The following CALN1 variants were observed in gnomAD, a reference collection of about 807,000 sequenced individuals.
CALN1 encodes calneuron 1.
A neutral mutation model predicts 30.6 loss-of-function variants in CALN1; 17 were observed. That is an observed-to-expected ratio of 0.56 (90% CI 0.38 to 0.83). CALN1 has a LOEUF of 0.83. Among genes scored for constraint, CALN1 ranks in the 40% least tolerant of loss-of-function variants. The probability of loss-of-function intolerance (pLI) is 0.00; values close to 1 mark genes in which losing one functional copy is unlikely to be tolerated. For missense variants in CALN1, 291 were observed against 354.9 expected (o/e 0.82, Z 1.45); for synonymous variants, 156 against 131.4 (o/e 1.19, Z -1.28).
intron 4 of CALN1, among the ~76,000 whole-genome samples, chr7:72,062,933 A>C (rs1332585974): frequency 6.6e-6 from 1 of 152,214 alleles, no homozygotes; most frequent in Non-Finnish European, 1.5e-5. Context: ...TGCCAATTTT[A>C]CACAATCTCT....
At chr7:72,362,784 A>ATCC (rs1306008105) in intron 2 of CALN1, among the ~76,000 whole-genome samples, 2 of 151,888 alleles carry the variant, frequency 1.3e-5, no homozygotes, top group African/African-American at 4.8e-5. Context: ...AATCGTACTC[A>ATCC]TCCTCTTGAT....
intron 3 of CALN1, among the ~76,000 whole-genome samples, chr7:72,266,520 T>C (rs1217893166): frequency 6.6e-6 from 1 of 152,218 alleles, no homozygotes; most frequent in African/African-American, 2.4e-5. Flanking sequence ...GCCAATGTGT[T>C]CCTTTAAGGG....
intron 5 of CALN1, among the ~76,000 whole-genome samples, chr7:71,830,107 G>A (rs757333084): frequency 1.3e-5 from 2 of 150,610 alleles, no homozygotes; most frequent in Non-Finnish European, 2.9e-5. Context: ...GCAATGGCAT[G>A]ATCTTGGCTC....
At chr7:72,169,511 C>T (rs1788786949) in intron 3 of CALN1, among the ~76,000 whole-genome samples, 2 of 145,616 alleles carry the variant, frequency 1.4e-5, no homozygotes, top group African/African-American at 2.6e-5. Context: ...TTTTCAGATA[C>T]AGAATCTTTC....
At chr7:72,309,339 G>A (rs986478747) in intron 2 of CALN1, among the ~76,000 whole-genome samples, 19 of 152,114 alleles carry the variant, frequency 1.2e-4, no homozygotes, top group African/African-American at 4.6e-4. Flanking sequence ...ATACACATCA[G>A]TCTGTGTGCA....
intron 5 of CALN1, among the ~76,000 whole-genome samples, chr7:71,950,216 TCA>T (rs1480171866): frequency 1.3e-5 from 2 of 152,162 alleles, no homozygotes; most frequent in Non-Finnish European, 2.9e-5. Flanking sequence ...GGAGAATTGC[TCA>T]CAGTTGTTTT....
chr7:72,312,402 A>G (rs1216222813), intron 2 of CALN1, among the ~76,000 whole-genome samples: 1 of 151,432 alleles, frequency 6.6e-6, no homozygotes, highest in Admixed American at 6.6e-5. Context: ...CAGAAAAAAA[A>G]AAAAAAAAAA....
At chr7:71,991,458 C>CAA (rs113140116) in intron 5 of CALN1, among the ~76,000 whole-genome samples, 134 of 123,054 alleles carry the variant, frequency 1.1e-3, no homozygotes, top group African/African-American at 3.8e-3. Flanking sequence ...GATTCTGTCT[C>CAA]AAAAAAAAAA....
intron 3 of CALN1, among the ~76,000 whole-genome samples, chr7:72,267,123 T>C (rs1262725120): frequency 6.6e-6 from 1 of 152,176 alleles, no homozygotes; most frequent in Non-Finnish European, 1.5e-5. Flanking sequence ...GGAATGTTTC[T>C]GCCTCCTTCA....
At chr7:72,112,646 C>T (rs932265234) in intron 3 of CALN1, among the ~76,000 whole-genome samples, 56 of 152,192 alleles carry the variant, frequency 3.7e-4, no homozygotes, top group African/African-American at 1.2e-3. Context: ...TTCACCTTCT[C>T]TAAGAAAGGC....
At chr7:71,856,593 G>C (rs1790961295) in intron 5 of CALN1, among the ~76,000 whole-genome samples, 1 of 152,150 alleles carries the variant, frequency 6.6e-6, no homozygotes, top group South Asian at 2.1e-4. Context: ...CTGTTTAACT[G>C]CTTCATTTTC....
intron 2 of CALN1, among the ~76,000 whole-genome samples, chr7:72,384,646 G>T (rs79273389): frequency 6.9e-6 from 1 of 145,178 alleles, no homozygotes; most frequent in Admixed American, 6.9e-5. Flanking sequence ...CCCGTCTCAA[G>T]AAAAAAAAAA....
chr7:72,359,847 G>A (rs1206935599), intron 2 of CALN1, among the ~76,000 whole-genome samples: 1 of 151,624 alleles, frequency 6.6e-6, no homozygotes, highest in Non-Finnish European at 1.5e-5. Context: ...CGTGGTGGCG[G>A]GCGCCTGTAG....
rs1792858016 is a variant in CALN1, at chr7:71,784,043, C to A, written c.*3732G>T. 6.6e-6 allele frequency: 1 copy of A among 152,208 alleles called. No homozygotes were observed. Among genetic ancestry groups the A allele is most frequent in the Admixed American group, 6.5e-5 (1 of 15,288 alleles). The allele number at this position is 152,208 out of a possible 1,614,324, so 9.4% of individuals were successfully genotyped here. On this transcript the variant is annotated 3_prime_UTR_variant, in exon 7 of 7. Transcript: ENST00000395275. ...CGTGTTTGGCTTGCAGGAGTGTGCT[C>A]AACAGGCAAACCGATACTTTTAAAG...
At chr7:72,101,107 G>A (rs1806630640) in intron 4 of CALN1, among the ~76,000 whole-genome samples, 3 of 151,894 alleles carry the variant, frequency 2.0e-5, no homozygotes, top group Admixed American at 2.0e-4. Flanking sequence ...GAGATTACAG[G>A]CACATGGTAC....
intron 5 of CALN1, among the ~76,000 whole-genome samples, chr7:71,857,016 A>ATGTGTGTGTGTGTG (rs200594767): frequency 7.0e-6 from 1 of 142,224 alleles, no homozygotes; most frequent in East Asian, 2.0e-4. Flanking sequence ...GTGTATATGT[A>ATGTGTGTGTGTGTG]TGTGTGTGTG....
chr7:72,494,027 A>G, the CALN1 span, among the ~76,000 whole-genome samples: 9 of 152,198 alleles, frequency 5.9e-5, no homozygotes, highest in Non-Finnish European at 2.9e-5. Context: ...TCGTCTCCAC[A>G]GAAAAATGAA....
chr7:72,066,887 T>G (rs1486671221), intron 4 of CALN1, among the ~76,000 whole-genome samples: 1 of 152,082 alleles, frequency 6.6e-6, no homozygotes, highest in Non-Finnish European at 1.5e-5. Context: ...GCTCAAGATA[T>G]TCTCTCGCCT....
chr7:72,487,713 A>AAAAGAAAAGAAAAGAAAG, the CALN1 span, among the ~76,000 whole-genome samples: 1 of 68,664 alleles, frequency 1.5e-5, no homozygotes, highest in Non-Finnish European at 2.5e-5. Flanking sequence ...AAAAGAAAAG[A>AAAAGAAAAGAAAAGAAAG]AAAGAAAGAA....
Sources: allele counts gnomAD v4.1 joint callset (sites outside exome capture counted in the v4.1 genomes callset), GRCh38; gene constraint gnomAD v4.1.1; transcripts MANE v1.5; gene names NCBI Gene and HGNC (gene_info 2026-07-23, HGNC 2026-07-21).